The following CLVS2 variants were observed in gnomAD, a reference collection of about 807,000 sequenced individuals.
The protein encoded by CLVS2 is clavesin 2.
In CLVS2, 19 loss-of-function variants were observed where a neutral mutation model predicts 29.0. The ratio of observed to expected loss-of-function variants is 0.66; its 90% CI spans 0.46 to 0.96. The LOEUF (loss-of-function observed/expected upper bound fraction) is 0.96, where lower values mean the gene tolerates loss of function less well. Ranked by LOEUF, CLVS2 falls within the 40% of genes least tolerant of loss-of-function variation. The probability of loss-of-function intolerance (pLI) is 0.00; values close to 1 mark genes in which losing one functional copy is unlikely to be tolerated. For synonymous variants in CLVS2, 161 were observed against 151.3 expected (o/e 1.06, Z -0.47); for missense variants, 294 against 404.1 (o/e 0.73, Z 2.34).
chr6:123,010,003 A>G (rs998993576), intron 2 of CLVS2, among the ~76,000 whole-genome samples: 1 of 152,050 alleles, frequency 6.6e-6, no homozygotes, highest in Admixed American at 6.6e-5. Context: ...AATAAGTTCT[A>G]TTCAAAACTT....
At chr6:123,059,088 TC>T (rs1772737991) in intron 5 of CLVS2, among the ~76,000 whole-genome samples, 1 of 152,160 alleles carries the variant, frequency 6.6e-6, no homozygotes, top group South Asian at 2.1e-4. Flanking sequence ...TGCTTCCTCT[TC>T]CCCTGCTTTT....
intron 3 of CLVS2, among the ~76,000 whole-genome samples, chr6:123,020,087 C>T (rs1774897982): frequency 6.6e-6 from 1 of 152,054 alleles, no homozygotes; most frequent in African/African-American, 2.4e-5. Context: ...AACACCCTCA[C>T]AGACACCCAG....
At chr6:123,025,267 A>T (rs1015245562) in intron 3 of CLVS2, among the ~76,000 whole-genome samples, 3 of 152,112 alleles carry the variant, frequency 2.0e-5, no homozygotes, top group Admixed American at 2.0e-4. Flanking sequence ...TTAGAGTGGG[A>T]GTGAATAGGT....
Position 122,997,937 on chromosome 6 carries a change from A to G in CLVS2, c.160A>G (p.Ile54Val), listed in dbSNP as rs1404970470. 1 of 1,614,188 alleles carries G rather than the reference A, an allele frequency of 6.2e-7. No individual in the cohort carries two copies. Among genetic ancestry groups the G allele is most frequent in the Non-Finnish European group, 8.5e-7 (1 of 1,180,020 alleles). ...CTTTCTGCGCACGGATGATGCCTTC[A>G]TCTTACGCTTCTTGCGGGCTAGGAA... ...IGFLRTDDAF[I>V]LRFLRARKFH... The change falls in exon 2 of 6, where the codon ATC becomes GTC. Residue 54 changes from isoleucine to valine, a missense_variant. Around this residue, in one of 2 missense-constraint regions of CLVS2, gnomAD observed 212 missense variants for 336.4 expected, o/e 0.63. Transcript: ENST00000275162.
intron 3 of CLVS2, among the ~76,000 whole-genome samples, chr6:123,038,403 A>G (rs1478356253): frequency 6.6e-6 from 1 of 152,136 alleles, no homozygotes; most frequent in Non-Finnish European, 1.5e-5. Flanking sequence ...ATATTTGTTA[A>G]GTTTAATTAA....
At chr6:123,035,979 C>T (rs904913237) in intron 3 of CLVS2, among the ~76,000 whole-genome samples, 16 of 152,076 alleles carry the variant, frequency 1.1e-4, no homozygotes, top group African/African-American at 3.1e-4. Context: ...TGTGTGTGGT[C>T]GTCCTGATGT....
intron 2 of CLVS2, among the ~76,000 whole-genome samples, chr6:123,009,194 C>A (rs1012241103): frequency 2.0e-5 from 3 of 151,956 alleles, no homozygotes; most frequent in Admixed American, 6.6e-5. Context: ...AGTCCTCCCC[C>A]AAACATGGCC....
intron 3 of CLVS2, 21 bp downstream of exon 3, chr6:123,011,180 A>C: frequency 6.6e-7 from 1 of 1,518,290 alleles, no homozygotes; most frequent in Non-Finnish European, 8.9e-7. Context: ...GAAATTACCT[A>C]CTTCCTTGGT....
At chr6:122,999,687 A>T (rs1294677096) in intron 2 of CLVS2, among the ~76,000 whole-genome samples, 1 of 152,196 alleles carries the variant, frequency 6.6e-6, no homozygotes, top group African/African-American at 2.4e-5. Context: ...CAAGGAAAAA[A>T]CTAATATTCT....
chr6:123,050,022 G>A (rs780922443), intron 4 of CLVS2, among the ~76,000 whole-genome samples: 7 of 152,200 alleles, frequency 4.6e-5, no homozygotes, highest in South Asian at 2.1e-4. Context: ...GTGAATTTGC[G>A]CTCCTGAAAA....
At chr6:123,034,929 T>C (rs1775130184) in intron 3 of CLVS2, among the ~76,000 whole-genome samples, 2 of 152,126 alleles carry the variant, frequency 1.3e-5, no homozygotes, top group African/African-American at 4.8e-5. Context: ...TAGATTCAGG[T>C]ACTTTCTGAC....
chr6:123,060,348 G>A (rs1457288117), intron 5 of CLVS2, among the ~76,000 whole-genome samples: 2 of 152,150 alleles, frequency 1.3e-5, no homozygotes, highest in African/African-American at 4.8e-5. Flanking sequence ...TGCCGCCAAT[G>A]CCTAAGATAG....
chr6:123,022,948 G>T (rs912280875), intron 3 of CLVS2, among the ~76,000 whole-genome samples: 39 of 152,128 alleles, frequency 2.6e-4, no homozygotes, highest in African/African-American at 8.2e-4. Context: ...AACATAAGGT[G>T]GATGATAAAC....
intron 3 of CLVS2, among the ~76,000 whole-genome samples, chr6:123,016,009 CACA>C (rs943607169): frequency 2.4e-5 from 3 of 124,664 alleles, no homozygotes; most frequent in African/African-American, 9.2e-5. Context: ...ATAGGTAAGG[CACA>C]ACATCAGACT....
At chr6:123,050,678 G>A (rs1457015475) in intron 4 of CLVS2, among the ~76,000 whole-genome samples, 1 of 151,518 alleles carries the variant, frequency 6.6e-6, no homozygotes, top group Non-Finnish European at 1.5e-5. Context: ...GGATGGGATA[G>A]GGGGGACTGC....
At chr6:123,025,840 C>T (rs1021377712) in intron 3 of CLVS2, among the ~76,000 whole-genome samples, 4 of 152,106 alleles carry the variant, frequency 2.6e-5, no homozygotes, top group Admixed American at 2.6e-4. Context: ...TGAATGTCTC[C>T]CTCTGCCTAG....
chr6:123,031,293 A>G (rs905349467), intron 3 of CLVS2, among the ~76,000 whole-genome samples: 2 of 152,042 alleles, frequency 1.3e-5, no homozygotes, highest in African/African-American at 4.8e-5. Context: ...CCTATCTAAA[A>G]TGTTATCATT....
Position 123,044,673 on chromosome 6 carries a change from CTGCATTTGTCTCGGCTGG to C in CLVS2, c.565-3947_565-3930del, listed in dbSNP as rs1383867999. ...ATTCATCTCCTGCTATTTGGTAAATCTGCATTTGTCTCGGCTGGTAGAGGGATGATTTCTAGTCTTGTC... is the reference window on the plus strand; with the variant it reads ...ATTCATCTCCTGCTATTTGGTAAATCTAGAGGGATGATTTCTAGTCTTGTC... On this transcript the variant is annotated intron_variant, in intron 3 of 5. Coordinates refer to ENST00000275162, the MANE Select transcript of CLVS2 (RefSeq NM_001010852.4). Among the ~76,000 whole-genome samples the C allele has an allele frequency of 1.8e-3, 272 of 152,204 alleles. 6 individuals are homozygous for C. The East Asian group carries it at 0.041, about 23-fold the overall frequency.
At chr6:123,039,597 A>C (rs1483621752) in intron 3 of CLVS2, among the ~76,000 whole-genome samples, 1 of 152,096 alleles carries the variant, frequency 6.6e-6, no homozygotes, top group Non-Finnish European at 1.5e-5. Context: ...TGATTGTATC[A>C]GGCACACACC....
Sources: gnomAD v4.1 joint callset for allele counts (sites outside exome capture counted in the v4.1 genomes callset) on GRCh38, gnomAD v4.1.1 for gene constraint, gnomAD v4.1.1 regional missense constraint, MANE v1.5 for transcripts, NCBI Gene and HGNC (gene_info 2026-07-23, HGNC 2026-07-21) for gene names.